Variants in USH2A observed in about 807,000 individuals in gnomAD.
USH2A encodes the protein Usher syndrome 2A (autosomal recessive, mild).
In USH2A, 443 loss-of-function variants were observed where a neutral mutation model predicts 538.9. That is an observed-to-expected ratio of 0.82 (90% CI 0.76 to 0.89). The LOEUF (loss-of-function observed/expected upper bound fraction) is 0.89. Among genes scored for constraint, USH2A ranks in the 40% least tolerant of loss-of-function variants. The pLI, the probability that USH2A is intolerant of heterozygous loss-of-function variation, is 0.00. For missense variants in USH2A, 6,633 were observed against 6,324.8 expected, an observed-to-expected ratio of 1.05 and a Z score of -1.65; for synonymous variants, 2,413 against 2,273.5, an observed-to-expected ratio of 1.06 and a Z score of -1.75.
chr1:215,777,340 T>A (rs10864197), intron 55 of USH2A, among the ~76,000 whole-genome samples: 1 of 152,012 alleles, frequency 6.6e-6, no homozygotes, highest in African/African-American at 2.4e-5. Flanking sequence ...TCCTGTTGGT[T>A]TGAACATTAC....
chr1:215,699,754 A>T (rs976868074), intron 61 of USH2A, among the ~76,000 whole-genome samples: 2 of 152,236 alleles, frequency 1.3e-5, no homozygotes, highest in Non-Finnish European at 2.9e-5. Context: ...ATCTGCAAAC[A>T]GAGATAATTT....
At chr1:216,098,428 T>A (rs2032497612) in intron 21 of USH2A, among the ~76,000 whole-genome samples, 1 of 152,144 alleles carries the variant, frequency 6.6e-6, no homozygotes, top group South Asian at 2.1e-4. Flanking sequence ...AAAAATACAG[T>A]CAGGCAGGAT....
chr1:216,175,558 T>C, intron 20 of USH2A, 76 bp from the exon 21 acceptor site: 1 of 1,334,484 alleles, frequency 7.5e-7, no homozygotes, highest in Non-Finnish European at 1.1e-6. Flanking sequence ...CATATACGTA[T>C]ATATGTATTT....
intron 44 of USH2A, among the ~76,000 whole-genome samples, chr1:215,852,013 A>G (rs1465316417): frequency 6.6e-6 from 1 of 152,172 alleles, no homozygotes; most frequent in African/African-American, 2.4e-5. Context: ...AACCCTCAGC[A>G]AAATAGGCAT....
chr1:215,636,649 G>T (rs1197260898), intron 69 of USH2A, among the ~76,000 whole-genome samples: 1 of 152,166 alleles, frequency 6.6e-6, no homozygotes, highest in East Asian at 1.9e-4. Flanking sequence ...CGCAGGGGAA[G>T]GGAGGGCAGC....
At chr1:216,309,325 T>C (rs1571687358) in intron 9 of USH2A, among the ~76,000 whole-genome samples, 1 of 152,072 alleles carries the variant, frequency 6.6e-6, no homozygotes, top group East Asian at 1.9e-4. Flanking sequence ...CTTAATAGGG[T>C]GTTTTTGGTG....
chr1:216,117,377 A>G (rs2033033716), intron 21 of USH2A, among the ~76,000 whole-genome samples: 1 of 152,192 alleles, frequency 6.6e-6, no homozygotes, highest in Non-Finnish European at 1.5e-5. Flanking sequence ...TAATTATATA[A>G]TCACTCTTAC....
chr1:215,932,558 G>A (rs1407408296), intron 38 of USH2A, among the ~76,000 whole-genome samples: 2 of 151,952 alleles, frequency 1.3e-5, no homozygotes, highest in Admixed American at 6.6e-5. Flanking sequence ...AAAGCTATAC[G>A]TTTCCTAATT....
chr1:215,791,065 C>T (rs1170001495), intron 50 of USH2A, among the ~76,000 whole-genome samples: 16 of 152,132 alleles, frequency 1.1e-4, no homozygotes, highest in Admixed American at 9.8e-4. Flanking sequence ...CATTTTCTCC[C>T]ACCAAATTTA....
intron 20 of USH2A, among the ~76,000 whole-genome samples, chr1:216,188,719 A>T (rs2034657090): frequency 6.6e-6 from 1 of 151,884 alleles, no homozygotes. Context: ...TTAGATGAAC[A>T]CTTGGGGGAA....
intron 11 of USH2A, among the ~76,000 whole-genome samples, chr1:216,286,618 G>C (rs1269663511): frequency 6.6e-6 from 1 of 152,104 alleles, no homozygotes; most frequent in Admixed American, 6.5e-5. Flanking sequence ...TAGCTGTTCA[G>C]GAGGCCGAGG....
intron 11 of USH2A, among the ~76,000 whole-genome samples, chr1:216,261,337 A>C (rs1174608426): frequency 2.0e-5 from 3 of 151,858 alleles, no homozygotes; most frequent in African/African-American, 4.8e-5. Flanking sequence ...ATATACAGCC[A>C]GGCATAGTGG....
intron 13 of USH2A, among the ~76,000 whole-genome samples, chr1:216,237,780 T>C (rs900986111): frequency 1.3e-5 from 2 of 152,226 alleles, no homozygotes; most frequent in African/African-American, 4.8e-5. Context: ...TAGCAAGTTT[T>C]CTATGACAGA....
chr1:215,976,532 T>C (rs1558190906), intron 35 of USH2A, among the ~76,000 whole-genome samples: 1 of 152,162 alleles, frequency 6.6e-6, no homozygotes, highest in Admixed American at 6.5e-5. Flanking sequence ...GTATATTGGA[T>C]TTTATTGAAA....
At chr1:215,884,606 A>G (rs570502142) in intron 41 of USH2A, among the ~76,000 whole-genome samples, 2 of 152,342 alleles carry the variant, frequency 1.3e-5, no homozygotes, top group African/African-American at 4.8e-5. Context: ...ACATAACATG[A>G]ACTCAGTGAA....
chr1:215,669,043 G>A (rs1037975250), intron 64 of USH2A, among the ~76,000 whole-genome samples: 1 of 151,972 alleles, frequency 6.6e-6, no homozygotes, highest in Non-Finnish European at 1.5e-5. Context: ...ACTCTGTCTC[G>A]AACAAAGAAA....
intron 32 of USH2A, among the ~76,000 whole-genome samples, chr1:216,011,745 C>T (rs1377612031): frequency 6.6e-6 from 1 of 151,976 alleles, no homozygotes; most frequent in Admixed American, 6.6e-5. Context: ...TATTTTCTTC[C>T]TCATACCTGA....
At chr1:216,098,379 G>A (rs2032496439) in intron 21 of USH2A, among the ~76,000 whole-genome samples, 1 of 152,142 alleles carries the variant, frequency 6.6e-6, no homozygotes, top group Non-Finnish European at 1.5e-5. Flanking sequence ...AACATCTCAA[G>A]AACACAATAG....
chr1:216,362,817 T>C (rs2038519731), intron 4 of USH2A, among the ~76,000 whole-genome samples: 1 of 151,554 alleles, frequency 6.6e-6, no homozygotes, highest in African/African-American at 2.4e-5. Flanking sequence ...TGCACATCTG[T>C]AATCCCAGCT....
Sources: allele counts gnomAD v4.1 joint callset (sites outside exome capture counted in the v4.1 genomes callset), GRCh38; gene constraint gnomAD v4.1.1; transcripts MANE v1.5; gene names NCBI Gene and HGNC (gene_info 2026-07-23, HGNC 2026-07-21).